The following MKKS variants were observed in gnomAD, a reference collection of about 807,000 sequenced individuals.
MKKS encodes the protein molecular chaperone MKKS.
MKKS carries 29 observed loss-of-function variants against 33.2 expected under a neutral mutation model. The observed-to-expected ratio is 0.87, with a 90% CI of 0.65 to 1.19. The LOEUF is 1.19. MKKS is among the 50% of genes most tolerant of loss of function. The pLI is 0.00. For missense variants in MKKS, 661 were observed against 662.3 expected (o/e 1.00, Z 0.02); for synonymous variants, 260 against 244.0 (o/e 1.07, Z -0.61).
At chr20:10,428,701 G>A (rs1385673675) in intron 1 of MKKS, among the ~76,000 whole-genome samples, 4 of 152,150 alleles carry the variant, frequency 2.6e-5, no homozygotes, top group African/African-American at 9.7e-5. Flanking sequence ...TTAGCTGGAT[G>A]TGGTGGGTGC....
intron 1 of MKKS, among the ~76,000 whole-genome samples, chr20:10,425,473 C>A (rs2065009442): frequency 1.3e-5 from 2 of 152,154 alleles, no homozygotes; most frequent in African/African-American, 4.8e-5. Flanking sequence ...TTCAAATGAA[C>A]TTGACAAGAA....
At chr20:10,431,102 T>C (rs1020528581) in intron 1 of MKKS, among the ~76,000 whole-genome samples, 1 of 152,178 alleles carries the variant, frequency 6.6e-6, no homozygotes, top group Non-Finnish European at 1.5e-5. Flanking sequence ...ATGTGGGAAG[T>C]GCTCAATACA....
intron 4 of MKKS, 53 bp from the exon 5 acceptor site, chr20:10,407,779 C>CA: frequency 4.5e-6 from 6 of 1,328,982 alleles, no homozygotes; most frequent in Middle Eastern, 1.8e-4. Flanking sequence ...TATTAACACA[C>CA]AAAAAATCAT....
chr20:10,424,088 T>G (rs2122266070), intron 1 of MKKS, among the ~76,000 whole-genome samples: 1 of 152,330 alleles, frequency 6.6e-6, no homozygotes, highest in Non-Finnish European at 1.5e-5. Context: ...GCTTTTCACG[T>G]TACAAACTAT....
intron 1 of MKKS, among the ~76,000 whole-genome samples, chr20:10,421,428 A>T (rs1389352425): frequency 6.6e-6 from 1 of 152,056 alleles, no homozygotes; most frequent in Non-Finnish European, 1.5e-5. Flanking sequence ...AAAAAAAAAA[A>T]AAAAAAATTA....
chr20:10,413,710 A>G lies in MKKS; in HGVS notation c.-196T>C. The G allele has an allele frequency of 1.6e-6, 1 of 625,018 alleles. No individual in the cohort carries two copies. Among genetic ancestry groups the G allele is most frequent in the Non-Finnish European group, 2.8e-6 (1 of 360,532 alleles). 38.7% of individuals were successfully genotyped at this position (625,018 alleles called of 1,614,324 possible). A position where few individuals can be genotyped will look rare whatever the true frequency, so the allele number is the denominator to read the frequency against. On this transcript the variant is annotated 5_prime_UTR_variant, in exon 3 of 6. Transcript: ENST00000347364. ...GCATAGAATGATTTAATGACAAATTAGTAATTCCAAATATTTATTTTACTT... is the reference window on the plus strand; with the variant it reads ...GCATAGAATGATTTAATGACAAATTGGTAATTCCAAATATTTATTTTACTT...
At chr20:10,426,666 G>A (rs922894433) in intron 1 of MKKS, among the ~76,000 whole-genome samples, 4 of 152,228 alleles carry the variant, frequency 2.6e-5, no homozygotes, top group Non-Finnish European at 2.9e-5. Context: ...CCAAAGTGCT[G>A]GGATTACAGG....
In MKKS at chr20:10,412,522, A is replaced by G; in HGVS notation, c.985+8T>C. On this transcript the variant is annotated splice_region_variant and intron_variant, in intron 3 of 5. Transcript: ENST00000347364. The stretch of plus-strand genomic sequence containing the variant: ...CTGTAAGAGGCAAAAGCAAAGAGTG[A>G]TTTTTACCTGTCATTTTAGTCAGGG... The G allele has an allele frequency of 1.2e-6, 2 of 1,612,940 alleles. No individual in the cohort carries two copies. Among genetic ancestry groups the G allele is most frequent in the Non-Finnish European group, 1.7e-6 (2 of 1,179,806 alleles).
At chr20:10,419,548 C>T (rs553674769) in intron 2 of MKKS, among the ~76,000 whole-genome samples, 10 of 152,250 alleles carry the variant, frequency 6.6e-5, no homozygotes, top group African/African-American at 1.7e-4. Flanking sequence ...CTACATATAG[C>T]ACTAAACCCT....
chr20:10,425,847 C>G (rs1180900871), intron 1 of MKKS, among the ~76,000 whole-genome samples: 1 of 152,148 alleles, frequency 6.6e-6, no homozygotes, highest in Admixed American at 6.5e-5. Context: ...ACTGCCCTTT[C>G]TTTCTTTCCT....
At position 10,402,418 on chromosome 20, in the gene MKKS, T is replaced by C. The variant is rs6108543; in HGVS notation, c.*2829A>G. 5 of 152,040 alleles carry C rather than the reference T, an allele frequency of 3.3e-5. No individual in the cohort carries two copies. Among genetic ancestry groups the C allele is most frequent in the African/African-American group, 1.2e-4 (5 of 41,394 alleles). The allele number at this position is 152,040 out of a possible 1,614,324, so 9.4% of individuals were successfully genotyped here. On this transcript the variant is annotated 3_prime_UTR_variant, in exon 6 of 6. Coordinates refer to ENST00000347364, the MANE Select transcript of MKKS (RefSeq NM_170784.3). The stretch of plus-strand genomic sequence containing the variant: ...TAGAGGAAGGTTTTTTTTCTCTTTT[T>C]TTCTATTTCCAGTGTTTTCTGCTAG...
intron 2 of MKKS, among the ~76,000 whole-genome samples, chr20:10,414,265 CTT>C (rs533171103): frequency 1.4e-4 from 19 of 132,286 alleles, no homozygotes; most frequent in Admixed American, 1.6e-4. Context: ...GTCTCTGAGT[CTT>C]TTTTTTTTTT....
At chr20:10,414,188 C>T (rs1016201955) in intron 2 of MKKS, among the ~76,000 whole-genome samples, 3 of 151,436 alleles carry the variant, frequency 2.0e-5, no homozygotes, top group Admixed American at 2.0e-4. Context: ...AGAAAGCTTA[C>T]AGCACAGTTA....
chr20:10,415,168 G>A (rs935439130), intron 2 of MKKS, among the ~76,000 whole-genome samples: 4 of 152,104 alleles, frequency 2.6e-5, no homozygotes, highest in Non-Finnish European at 5.9e-5. Context: ...GAATAAAAAC[G>A]TTAGATCATA....
chr20:10,429,067 T>C (rs995182168), intron 1 of MKKS, among the ~76,000 whole-genome samples: 2 of 152,196 alleles, frequency 1.3e-5, no homozygotes, highest in African/African-American at 4.8e-5. Context: ...CTAAGGCAAC[T>C]GCCCTTTACC....
chr20:10,416,318 T>G (rs1600851780), intron 2 of MKKS, among the ~76,000 whole-genome samples: 1 of 151,704 alleles, frequency 6.6e-6, no homozygotes, highest in African/African-American at 2.4e-5. Context: ...AAAGAATGAT[T>G]ATAGGTATGA....
intron 5 of MKKS, among the ~76,000 whole-genome samples, chr20:10,407,330 C>T (rs1419317179): frequency 2.0e-5 from 3 of 152,008 alleles, no homozygotes; most frequent in Non-Finnish European, 4.4e-5. Flanking sequence ...AGAACGTGAT[C>T]GCTTGCTTAA....
chr20:10,410,301 C>A (rs2064873738), intron 3 of MKKS, among the ~76,000 whole-genome samples: 1 of 152,034 alleles, frequency 6.6e-6, no homozygotes, highest in Admixed American at 6.6e-5. Context: ...GATAATAATG[C>A]ATACTTCACA....
At chr20:10,410,357 G>A (rs1332897456) in intron 3 of MKKS, among the ~76,000 whole-genome samples, 8 of 152,128 alleles carry the variant, frequency 5.3e-5, no homozygotes, top group Admixed American at 3.3e-4. Flanking sequence ...CAGGCCGGGC[G>A]TGGTGGCTCA....
Sources: gnomAD v4.1 joint callset for allele counts (sites outside exome capture counted in the v4.1 genomes callset) on GRCh38, gnomAD v4.1.1 for gene constraint, MANE v1.5 for transcripts, NCBI Gene and HGNC (gene_info 2026-07-23, HGNC 2026-07-21) for gene names.